PREX2: variants seen among roughly 807,000 people sequenced by gnomAD.
The protein encoded by PREX2 is phosphatidylinositol-3,4,5-trisphosphate dependent Rac exchange factor 2, also known as phosphatidylinositol 3,4,5-trisphosphate-dependent Rac exchanger 2 protein.
A neutral mutation model predicts 203.2 loss-of-function variants in PREX2; 107 were observed. That is an observed-to-expected ratio of 0.53 (90% CI 0.45 to 0.62). The LOEUF is 0.62. Among genes scored for constraint, PREX2 ranks in the 20% least tolerant of loss-of-function variants. PREX2 has a pLI of 0.00. For missense variants in PREX2, 1,777 were observed against 1,955.9 expected (o/e 0.91, Z 1.72); for synonymous variants, 672 against 663.6 (o/e 1.01, Z -0.19).
At chr8:68,112,886 G>GT (rs1276725018) in intron 25 of PREX2, among the ~76,000 whole-genome samples, 1 of 152,124 alleles carries the variant, frequency 6.6e-6, no homozygotes, top group Non-Finnish European at 1.5e-5. Flanking sequence ...ACTTAGCATC[G>GT]TGACTGTCAT....
intron 7 of PREX2, 150 bp downstream of exon 7, chr8:68,038,442 T>C: frequency 1.3e-6 from 1 of 764,038 alleles, no homozygotes; most frequent in Admixed American, 2.8e-5. Flanking sequence ...TTTCTTCACA[T>C]ATATTCAGTC....
At chr8:68,128,935 T>C (rs2129613284) in intron 31 of PREX2, among the ~76,000 whole-genome samples, 1 of 152,310 alleles carries the variant, frequency 6.6e-6, no homozygotes, top group South Asian at 2.1e-4. Context: ...TTTGCCCTAA[T>C]GAAAAAAGGT....
At position 68,109,484 on chromosome 8, in the gene PREX2, C is replaced by A; in HGVS notation, c.3007C>A (p.Leu1003Met). ...CATGGCGGCCCCTTCAGGTCTGTCT[C>A]TGGGACAGCAGGATGGCCATGGTCT... ...TTMAAPSGLSLGQQDGHGLRY... is the reference protein window; with the variant it reads ...TTMAAPSGLSMGQQDGHGLRY... The change falls in exon 25 of 40, where the codon CTG (leucine) becomes ATG (methionine). Residue 1003 changes from leucine to methionine, a missense_variant. Physicochemically the swap from Leu to Met is conservative, Grantham distance 15 (BLOSUM62 2). Coordinates refer to ENST00000288368, the MANE Select transcript of PREX2 (RefSeq NM_024870.4). The A allele has an allele frequency of 6.2e-7, 1 of 1,614,038 alleles. No homozygotes were observed. The highest frequency in any genetic ancestry group is 8.5e-7 in the Non-Finnish European group (1 of 1,179,934).
At chr8:68,180,137 A>G (rs1005164154) in intron 35 of PREX2, among the ~76,000 whole-genome samples, 3 of 152,026 alleles carry the variant, frequency 2.0e-5, no homozygotes, top group Non-Finnish European at 2.9e-5. Flanking sequence ...CAGGGAATTA[A>G]ATACCTTTCC....
intron 30 of PREX2, among the ~76,000 whole-genome samples, chr8:68,123,195 CA>C (rs1385239690): frequency 6.6e-6 from 1 of 151,940 alleles, no homozygotes; most frequent in East Asian, 1.9e-4. Context: ...TTAATGAGAG[CA>C]AAGGTAAAGC....
intron 1 of PREX2, among the ~76,000 whole-genome samples, chr8:67,981,691 A>G (rs1209235747): frequency 6.6e-6 from 1 of 152,238 alleles, no homozygotes; most frequent in Admixed American, 6.5e-5. Context: ...GAACTTTAAC[A>G]CCACTAGAAG....
intron 13 of PREX2, among the ~76,000 whole-genome samples, 154 bp from the exon 14 acceptor site, chr8:68,072,341 C>G (rs2129611662): frequency 6.6e-6 from 1 of 152,274 alleles, no homozygotes. Flanking sequence ...ATAAACTTCT[C>G]TTATTTGCAT....
rs544726623 is a variant in PREX2, at chr8:68,055,112, C to T, written c.1094-718C>T. 1.4e-4 allele frequency among the ~76,000 whole-genome samples: 22 copies of T among 152,282 alleles called. No homozygotes were observed. In the South Asian group the frequency reaches 4.6e-3, roughly 32 times the overall value. On this transcript the variant is annotated intron_variant, in intron 9 of 39. Coordinates refer to ENST00000288368, the MANE Select transcript of PREX2 (RefSeq NM_024870.4). ...TCTTCAGTTTGTTCCCCGCACTGTCCTCTGAGCTTTGTTTCCAAAGCAACA... is the reference window on the plus strand; with the variant it reads ...TCTTCAGTTTGTTCCCCGCACTGTCTTCTGAGCTTTGTTTCCAAAGCAACA...
At chr8:68,028,783 A>C (rs1296152246) in intron 5 of PREX2, among the ~76,000 whole-genome samples, 3 of 152,014 alleles carry the variant, frequency 2.0e-5, no homozygotes, top group East Asian at 3.9e-4. Context: ...TTAAGAAGGG[A>C]TAGGGAGATT....
chr8:68,072,793 T>C (rs1809237132), intron 14 of PREX2, among the ~76,000 whole-genome samples: 1 of 152,226 alleles, frequency 6.6e-6, no homozygotes. Context: ...AAGATGTTCC[T>C]ATTTTTAAAA....
chr8:68,020,604 C>A (rs1026755965), intron 3 of PREX2, among the ~76,000 whole-genome samples: 1 of 151,950 alleles, frequency 6.6e-6, no homozygotes, highest in Admixed American at 6.6e-5. Context: ...GAAAATATTT[C>A]AAAAAATAAT....
chr8:68,037,300 C>T (rs1808062128), intron 6 of PREX2, among the ~76,000 whole-genome samples: 1 of 152,048 alleles, frequency 6.6e-6, no homozygotes, highest in African/African-American at 2.4e-5. Flanking sequence ...GGAAAACGTC[C>T]TTTTTCATTT....
intron 39 of PREX2, 68 bp from the exon 40 acceptor site, chr8:68,231,265 C>A: frequency 8.8e-7 from 1 of 1,133,622 alleles, no homozygotes. Flanking sequence ...ATTTGTTCTA[C>A]CAATAAAGAC....
chr8:68,067,629 G>C (rs1214819484), intron 11 of PREX2, among the ~76,000 whole-genome samples: 1 of 151,906 alleles, frequency 6.6e-6, no homozygotes, highest in Non-Finnish European at 1.5e-5. Flanking sequence ...TTTGGTGGAA[G>C]TTATATGGTT....
At chr8:68,023,152 G>C (rs1212632517) in intron 4 of PREX2, among the ~76,000 whole-genome samples, 1 of 152,098 alleles carries the variant, frequency 6.6e-6, no homozygotes, top group Non-Finnish European at 1.5e-5. Context: ...CATTAAACGT[G>C]GAATTGATGC....
rs141829409 is a variant in PREX2 at position 68,220,861 on chromosome 8, A to G, written c.4707+3143A>G. On this transcript the variant is annotated intron_variant, in intron 38 of 39. Transcript: ENST00000288368. Reference sequence around the variant, plus strand: ...TTATGATAGCGATTAAAAGCACAGAACAAGTTTTTGTTTTGTTTTAGATTT... The same window carrying G: ...TTATGATAGCGATTAAAAGCACAGAGCAAGTTTTTGTTTTGTTTTAGATTT... 8.5e-3 allele frequency among the ~76,000 whole-genome samples: 1,299 copies of G among 152,258 alleles called. 5 individuals carry two copies. Among genetic ancestry groups the G allele is most frequent in the Non-Finnish European group, 0.014 (928 of 68,012 alleles).
intron 32 of PREX2, 151 bp downstream of exon 32, chr8:68,134,427 G>T: frequency 1.6e-6 from 1 of 636,344 alleles, no homozygotes; most frequent in Non-Finnish European, 2.7e-6. Flanking sequence ...TTTTTCTGTG[G>T]TCCTTCAAAT....
Position 68,146,194 on chromosome 8 carries a change from TA to T in PREX2, c.4088-12del. 6.3e-7 allele frequency: 1 copy of T among 1,586,836 alleles called. No homozygotes were observed. The highest frequency in any genetic ancestry group is 8.6e-7 in the Non-Finnish European group (1 of 1,160,366). The stretch of plus-strand genomic sequence containing the variant: ...CTTATTTTAGGAAGTAATATACTAT[TA>T]AATATCATTTTAGATGTTCCTCTTA... On this transcript the variant is annotated splice_polypyrimidine_tract_variant and intron_variant, in intron 33 of 39. Transcript: ENST00000288368.
intron 7 of PREX2, among the ~76,000 whole-genome samples, chr8:68,039,245 G>A (rs553154922): frequency 3.4e-4 from 51 of 152,148 alleles, no homozygotes; most frequent in African/African-American, 1.1e-3. Context: ...CTCCTCCACT[G>A]AGCTACTCCT....
Sources: allele counts gnomAD v4.1 joint callset (sites outside exome capture counted in the v4.1 genomes callset), GRCh38; gene constraint gnomAD v4.1.1; transcripts MANE v1.5; gene names NCBI Gene and HGNC (gene_info 2026-07-23, HGNC 2026-07-21).